The following LHFPL3 variants were observed in gnomAD, a reference collection of about 807,000 sequenced individuals.
LHFPL3 encodes LHFPL tetraspan subfamily member 3 protein.
LHFPL3 carries 5 observed loss-of-function variants against 19.3 expected under a neutral mutation model. The observed-to-expected ratio is 0.26, with a 90% CI of 0.14 to 0.54. The LOEUF is 0.54. Ranked by LOEUF, LHFPL3 falls within the 20% of genes least tolerant of loss-of-function variation. LHFPL3 has a pLI of 0.94. For missense variants in LHFPL3, 249 were observed against 307.4 expected, an observed-to-expected ratio of 0.81 and a Z score of 1.42; for synonymous variants, 133 against 126.2, an observed-to-expected ratio of 1.05 and a Z score of -0.36.
At chr7:104,441,499 T>A (rs571880659) in intron 1 of LHFPL3, among the ~76,000 whole-genome samples, 2 of 152,358 alleles carry the variant, frequency 1.3e-5, no homozygotes, top group Middle Eastern at 3.4e-3. Flanking sequence ...TTATGTTGTT[T>A]CCATATCTTA....
chr7:104,414,217 C>T (rs1791582100), intron 1 of LHFPL3, among the ~76,000 whole-genome samples: 1 of 151,954 alleles, frequency 6.6e-6, no homozygotes, highest in Admixed American at 6.6e-5. Context: ...AACCATCAGT[C>T]AAAGTGACTT....
At chr7:104,488,963 C>T (rs1793288265) in intron 1 of LHFPL3, among the ~76,000 whole-genome samples, 1 of 151,358 alleles carries the variant, frequency 6.6e-6, no homozygotes, top group Non-Finnish European at 1.5e-5. Context: ...GCTTCATGGG[C>T]ATGTGACCCG....
chr7:104,543,173 G>A (rs78542745), intron 1 of LHFPL3, among the ~76,000 whole-genome samples: 1 of 152,142 alleles, frequency 6.6e-6, no homozygotes, highest in Non-Finnish European at 1.5e-5. Context: ...GGTCCAAGGG[G>A]AGGAAGAGCA....
At chr7:104,798,892 T>C (rs1790187530) in intron 2 of LHFPL3, among the ~76,000 whole-genome samples, 1 of 152,214 alleles carries the variant, frequency 6.6e-6, no homozygotes, top group African/African-American at 2.4e-5. Flanking sequence ...CGTAAGGTTT[T>C]ACTAACTACC....
chr7:104,740,829 A>G (rs1398925879), intron 2 of LHFPL3, among the ~76,000 whole-genome samples: 1 of 152,324 alleles, frequency 6.6e-6, no homozygotes, highest in Admixed American at 6.5e-5. Context: ...CAGGCAAACC[A>G]TATCAGCCAC....
intron 1 of LHFPL3, among the ~76,000 whole-genome samples, chr7:104,638,928 C>T (rs1791780341): frequency 6.6e-6 from 1 of 151,380 alleles, no homozygotes; most frequent in Non-Finnish European, 1.5e-5. Flanking sequence ...TCACCACACC[C>T]AGCATTTTTT....
At chr7:104,362,832 T>C (rs948446475) in intron 1 of LHFPL3, among the ~76,000 whole-genome samples, 6 of 152,204 alleles carry the variant, frequency 3.9e-5, no homozygotes, top group South Asian at 2.1e-4. Flanking sequence ...GATGAAATCA[T>C]AGGGAGTCAA....
intron 1 of LHFPL3, among the ~76,000 whole-genome samples, chr7:104,337,896 A>G (rs146627741): frequency 1.2e-3 from 190 of 152,302 alleles, no homozygotes; most frequent in African/African-American, 4.1e-3. Context: ...AGTATTGACC[A>G]CTTGGTATGT....
At chr7:104,812,405 C>T (rs189778888) in intron 2 of LHFPL3, among the ~76,000 whole-genome samples, 28 of 152,222 alleles carry the variant, frequency 1.8e-4, no homozygotes, top group African/African-American at 6.5e-4. Context: ...ATGGATGAAC[C>T]TTACAATGTA....
At chr7:104,496,528 C>T (rs1422383805) in intron 1 of LHFPL3, among the ~76,000 whole-genome samples, 2 of 152,084 alleles carry the variant, frequency 1.3e-5, no homozygotes, top group Non-Finnish European at 2.9e-5. Flanking sequence ...AGTTCTAGAT[C>T]CCTGAGGAAT....
chr7:104,493,870 G>A (rs1174918373), intron 1 of LHFPL3, among the ~76,000 whole-genome samples: 2 of 152,028 alleles, frequency 1.3e-5, no homozygotes, highest in Non-Finnish European at 2.9e-5. Context: ...ATAGCAGGTG[G>A]CTAGTAAGCA....
intron 1 of LHFPL3, among the ~76,000 whole-genome samples, chr7:104,606,243 T>C (rs771574571): frequency 2.0e-5 from 3 of 152,214 alleles, no homozygotes; most frequent in Admixed American, 6.5e-5. Flanking sequence ...TGCACCTTTA[T>C]TGATTGGATC....
At chr7:104,515,472 A>C (rs1437363789) in intron 1 of LHFPL3, among the ~76,000 whole-genome samples, 1 of 152,210 alleles carries the variant, frequency 6.6e-6, no homozygotes, top group African/African-American at 2.4e-5. Flanking sequence ...AGATGCAAAT[A>C]AGGAGAGCGT....
At chr7:104,425,907 C>T (rs1465073722) in intron 1 of LHFPL3, among the ~76,000 whole-genome samples, 1 of 152,174 alleles carries the variant, frequency 6.6e-6, no homozygotes, top group African/African-American at 2.4e-5. Flanking sequence ...TTTCCCAAGT[C>T]TCCCCTATAT....
chr7:104,365,460 G>C (rs1790467956), intron 1 of LHFPL3, among the ~76,000 whole-genome samples: 1 of 151,464 alleles, frequency 6.6e-6, no homozygotes, highest in African/African-American at 2.4e-5. Flanking sequence ...TTTTAAGGTA[G>C]TGAAGAGGGC....
At chr7:104,407,678 C>A (rs1014387340) in intron 1 of LHFPL3, among the ~76,000 whole-genome samples, 6 of 152,138 alleles carry the variant, frequency 3.9e-5, no homozygotes, top group Admixed American at 6.6e-5. Flanking sequence ...AAAGAGAGAA[C>A]CTTTTTGGTG....
intron 1 of LHFPL3, among the ~76,000 whole-genome samples, chr7:104,643,806 A>G (rs1791880637): frequency 6.6e-6 from 1 of 152,210 alleles, no homozygotes; most frequent in Non-Finnish European, 1.5e-5. Context: ...CTCCATCTTC[A>G]GTGTAAAGCT....
intron 1 of LHFPL3, among the ~76,000 whole-genome samples, chr7:104,366,948 A>G (rs911841325): frequency 6.6e-6 from 1 of 152,134 alleles, no homozygotes; most frequent in Admixed American, 6.5e-5. Context: ...TTTTTTTCTC[A>G]TTTATTTTGC....
chr7:104,596,823 G>A (rs1790871535), intron 1 of LHFPL3, among the ~76,000 whole-genome samples: 1 of 152,188 alleles, frequency 6.6e-6, no homozygotes, highest in African/African-American at 2.4e-5. Flanking sequence ...CTTCATTGCA[G>A]CGACTAATGA....
Sources: allele counts gnomAD v4.1 joint callset (sites outside exome capture counted in the v4.1 genomes callset), GRCh38; gene constraint gnomAD v4.1.1; transcripts MANE v1.5; gene names NCBI Gene and HGNC (gene_info 2026-07-23, HGNC 2026-07-21).